IQCJ: variants seen among roughly 807,000 people sequenced by gnomAD.
The protein encoded by IQCJ is IQ domain-containing protein J.
In IQCJ, 9 loss-of-function variants were observed where a neutral mutation model predicts 11.0. The observed-to-expected ratio is 0.82, with a 90% confidence interval of 0.49 to 1.43. The LOEUF (loss-of-function observed/expected upper bound fraction) is 1.43. IQCJ is among the 40% of genes most tolerant of loss of function. The pLI is 0.00. For synonymous variants in IQCJ, 55 were observed against 51.3 expected (o/e 1.07, Z -0.31); for missense variants, 146 against 133.2 (o/e 1.10, Z -0.47).
intron 1 of IQCJ, among the ~76,000 whole-genome samples, chr3:159,093,840 T>A (rs945577926): frequency 1.3e-5 from 2 of 151,818 alleles, no homozygotes; most frequent in Non-Finnish European, 2.9e-5. Flanking sequence ...TCAGATCTCC[T>A]GAGAACTTGC....
At chr3:159,086,242 T>C (rs1716760820) in intron 1 of IQCJ, among the ~76,000 whole-genome samples, 1 of 152,198 alleles carries the variant, frequency 6.6e-6, no homozygotes, top group South Asian at 2.1e-4. Context: ...TGTGTCGTTA[T>C]TTCTGAGGGC....
intron 1 of IQCJ, among the ~76,000 whole-genome samples, chr3:159,231,694 C>T (rs1726258939): frequency 6.6e-6 from 1 of 152,124 alleles, no homozygotes; most frequent in Non-Finnish European, 1.5e-5. Flanking sequence ...GGAATAGTTT[C>T]AGAAGAAATG....
chr3:159,259,543 G>A (rs987179257), intron 3 of IQCJ, among the ~76,000 whole-genome samples: 1 of 152,140 alleles, frequency 6.6e-6, no homozygotes, highest in Non-Finnish European at 1.5e-5. Flanking sequence ...GAGATGAGGT[G>A]CTTCTAAATT....
intron 1 of IQCJ, among the ~76,000 whole-genome samples, chr3:159,162,738 GAT>G (rs1721939666): frequency 6.6e-6 from 1 of 151,976 alleles, no homozygotes; most frequent in African/African-American, 2.4e-5. Context: ...TGATAAAGGG[GAT>G]ATCACCACCG....
intron 1 of IQCJ, among the ~76,000 whole-genome samples, chr3:159,160,787 G>GT (rs1721803598): frequency 6.7e-6 from 1 of 149,028 alleles, no homozygotes; most frequent in African/African-American, 2.5e-5. Flanking sequence ...GCGGTGTTTG[G>GT]TTTTTTGTTC....
At chr3:159,190,741 T>G (rs1272904495) in intron 1 of IQCJ, among the ~76,000 whole-genome samples, 2 of 152,210 alleles carry the variant, frequency 1.3e-5, no homozygotes. Context: ...ACCTTGGACA[T>G]TTTGCTGAAC....
chr3:159,249,019 C>T (rs1274055800), intron 2 of IQCJ, among the ~76,000 whole-genome samples: 1 of 151,954 alleles, frequency 6.6e-6, no homozygotes, highest in Non-Finnish European at 1.5e-5. Context: ...ACCACACCGG[C>T]TAATTTTTGT....
chr3:159,143,170 T>C (rs1720725743), intron 1 of IQCJ, among the ~76,000 whole-genome samples: 1 of 152,216 alleles, frequency 6.6e-6, no homozygotes, highest in African/African-American at 2.4e-5. Context: ...ACATAGCCAA[T>C]GATGAAGTGT....
At chr3:159,236,558 G>T (rs1726604539) in intron 1 of IQCJ, among the ~76,000 whole-genome samples, 1 of 152,118 alleles carries the variant, frequency 6.6e-6, no homozygotes, top group South Asian at 2.1e-4. Context: ...GTCATTCCTG[G>T]TCTAATCTGG....
At chr3:159,181,710 C>T (rs1442541934) in intron 1 of IQCJ, among the ~76,000 whole-genome samples, 1 of 151,682 alleles carries the variant, frequency 6.6e-6, no homozygotes, top group East Asian at 1.9e-4. Context: ...TTCTAGAATC[C>T]TTCCACATCC....
rs9839931 is a variant in IQCJ, at chr3:159,177,025, A to G, written c.10-68818A>G. On this transcript the variant is annotated intron_variant, in intron 1 of 3. Coordinates refer to ENST00000397832, the MANE Select transcript of IQCJ (RefSeq NM_001042706.3). ...TTCAGTAAAGCTGTATTTGATTGTT[A>G]CATGCTAGAAAGTGGATGTTGATCC... 5.0e-3 allele frequency among the ~76,000 whole-genome samples: 765 copies of G among 152,314 alleles called. 6 individuals are homozygous for G. Among genetic ancestry groups the G allele is most frequent in the African/African-American group, 0.017 (723 of 41,578 alleles).
At chr3:159,215,040 A>G (rs1725150377) in intron 1 of IQCJ, among the ~76,000 whole-genome samples, 1 of 152,188 alleles carries the variant, frequency 6.6e-6, no homozygotes, top group Admixed American at 6.5e-5. Flanking sequence ...CCCCTATAGT[A>G]AAGACAGGTG....
At chr3:159,145,560 T>G (rs897011565) in intron 1 of IQCJ, among the ~76,000 whole-genome samples, 12 of 142,932 alleles carry the variant, frequency 8.4e-5, no homozygotes, top group Non-Finnish European at 9.2e-5. Flanking sequence ...TTGAAATAGT[T>G]TCCCTTTAGT....
At chr3:159,087,766 C>T (rs1716903346) in intron 1 of IQCJ, among the ~76,000 whole-genome samples, 2 of 151,220 alleles carry the variant, frequency 1.3e-5, no homozygotes, top group African/African-American at 2.4e-5. Context: ...GTGGTGATAT[C>T]CCCTTTATCA....
chr3:159,162,831 G>A (rs1191863561), intron 1 of IQCJ, among the ~76,000 whole-genome samples: 1 of 152,166 alleles, frequency 6.6e-6, no homozygotes, highest in Admixed American at 6.5e-5. Context: ...AGAAGAAATG[G>A]ATAAATTCCT....
At chr3:159,078,070 A>C (rs1716055007) in intron 1 of IQCJ, among the ~76,000 whole-genome samples, 1 of 152,124 alleles carries the variant, frequency 6.6e-6, no homozygotes, top group Admixed American at 6.5e-5. Flanking sequence ...GAGACTCTTA[A>C]GTCCTGTGGC....
intron 1 of IQCJ, among the ~76,000 whole-genome samples, chr3:159,136,121 A>G (rs1392350947): frequency 6.6e-6 from 1 of 152,178 alleles, no homozygotes; most frequent in East Asian, 1.9e-4. Context: ...ACTTCAGAGT[A>G]TGTGTTTCAT....
chr3:159,170,645 T>C (rs1391224211), intron 1 of IQCJ, among the ~76,000 whole-genome samples: 5 of 92,146 alleles, frequency 5.4e-5, no homozygotes. Flanking sequence ...TCCTCACCCT[T>C]TTTTTTTTTT....
Position 159,124,977 on chromosome 3 carries a change from T to C in IQCJ, c.9+55536T>C, listed in dbSNP as rs560494187. On this transcript the variant is annotated intron_variant, in intron 1 of 3. Coordinates refer to ENST00000397832, the MANE Select transcript of IQCJ (RefSeq NM_001042706.3). ...CTATTCTTATCCCCAACTTTATATA[T>C]GAGAAAGTTAAGGCACAAAAAAGCA... is the stretch of plus-strand genomic sequence containing the variant. Among the ~76,000 whole-genome samples the C allele has an allele frequency of 2.0e-5, 3 of 152,266 alleles. No individual in the cohort carries two copies. In the South Asian group the frequency reaches 6.2e-4, roughly 32 times the overall value.
Sources: gnomAD v4.1 joint callset for allele counts (sites outside exome capture counted in the v4.1 genomes callset) on GRCh38, gnomAD v4.1.1 for gene constraint, MANE v1.5 for transcripts, NCBI Gene and HGNC (gene_info 2026-07-23, HGNC 2026-07-21) for gene names.